ARHGEF10L: variants seen among roughly 807,000 people sequenced by gnomAD.
ARHGEF10L encodes the protein Rho guanine nucleotide exchange factor 10 like.
Under a neutral mutation model 141.2 loss-of-function variants are expected in ARHGEF10L, and 69 were observed. That is an observed-to-expected ratio of 0.49 (90% CI 0.40 to 0.60). ARHGEF10L has a LOEUF of 0.60. Among genes scored for constraint, ARHGEF10L ranks in the 20% least tolerant of loss-of-function variants. The probability of loss-of-function intolerance (pLI) is 0.00; values close to 1 mark genes in which losing one functional copy is unlikely to be tolerated. For synonymous variants in ARHGEF10L, 711 were observed against 718.5 expected (o/e 0.99, Z 0.17); for missense variants, 1,482 against 1,734.3 (o/e 0.85, Z 2.58).
the ARHGEF10L span, among the ~76,000 whole-genome samples, chr1:17,528,909 G>T: frequency 2.0e-5 from 3 of 152,210 alleles, no homozygotes; most frequent in South Asian, 2.1e-4. Context: ...GCTGGCTCAG[G>T]TCTTGTCGTG....
At chr1:17,592,735 T>A (rs537072459) in intron 4 of ARHGEF10L, among the ~76,000 whole-genome samples, 114 of 152,254 alleles carry the variant, frequency 7.5e-4, no homozygotes, top group African/African-American at 2.7e-3. Context: ...AGACCTAGTC[T>A]GGAGTTGTTT....
At position 17,602,227 on chromosome 1, in the gene ARHGEF10L, C is replaced by A; in HGVS notation, c.349+9C>A. The A allele has an allele frequency of 6.4e-7, 1 of 1,558,488 alleles. No individual in the cohort carries two copies. Among genetic ancestry groups the A allele is most frequent in the South Asian group, 1.2e-5 (1 of 84,624 alleles). On this transcript the variant is annotated intron_variant, in intron 5 of 28. Transcript: ENST00000361221. ...GAAGAGTTCCCGTCGCAGTAAGTCTCCCCTCCGGCCCACCGCCCACCCCAG... is the reference window on the plus strand; with the variant it reads ...GAAGAGTTCCCGTCGCAGTAAGTCTACCCTCCGGCCCACCGCCCACCCCAG...
intron 4 of ARHGEF10L, among the ~76,000 whole-genome samples, chr1:17,593,873 C>T (rs1396599163): frequency 6.6e-6 from 1 of 151,616 alleles, no homozygotes; most frequent in African/African-American, 2.4e-5. Context: ...GAGAGCGTCA[C>T]TTGTCTGTGG....
At chr1:17,529,849 T>C in the ARHGEF10L span, among the ~76,000 whole-genome samples, 1 of 113,480 alleles carries the variant, frequency 8.8e-6, no homozygotes, top group Non-Finnish European at 1.8e-5. Flanking sequence ...TTTTTTTTTT[T>C]GAGACGCAAT....
chr1:17,677,301 C>T (rs1031797739), intron 26 of ARHGEF10L, among the ~76,000 whole-genome samples: 1 of 152,250 alleles, frequency 6.6e-6, no homozygotes, highest in Non-Finnish European at 1.5e-5. Context: ...CACCTGCACC[C>T]TCGTGCACGC....
Position 17,579,193 on chromosome 1 carries a change from G to A in ARHGEF10L, c.-43-1360G>A, listed in dbSNP as rs112702772. On this transcript the variant is annotated intron_variant, in intron 1 of 28. Coordinates refer to ENST00000361221, the MANE Select transcript of ARHGEF10L (RefSeq NM_018125.4). ...GTGCCACCATGCCCAGCTAATTTTTGTATTTTTAGTAGAGATGGAGTTTCA... is the reference window on the plus strand; with the variant it reads ...GTGCCACCATGCCCAGCTAATTTTTATATTTTTAGTAGAGATGGAGTTTCA... 1.3e-3 allele frequency among the ~76,000 whole-genome samples: 191 copies of A among 152,218 alleles called. 2 individuals are homozygous for A. The highest frequency in any genetic ancestry group is 4.4e-3 in the African/African-American group (183 of 41,532).
intron 1 of ARHGEF10L, among the ~76,000 whole-genome samples, chr1:17,559,368 G>A (rs2077462283): frequency 6.6e-6 from 1 of 152,174 alleles, no homozygotes; most frequent in Non-Finnish European, 1.5e-5. Context: ...AAGGGGCTGG[G>A]TATTTATTAG....
the ARHGEF10L span, among the ~76,000 whole-genome samples, chr1:17,531,865 C>G: frequency 1.1e-4 from 16 of 152,290 alleles, no homozygotes; most frequent in Admixed American, 9.2e-4. Context: ...TCTGGGAGAC[C>G]AGGGAGCTTA....
At chr1:17,650,331 T>C (rs2061843742) in intron 22 of ARHGEF10L, among the ~76,000 whole-genome samples, 1 of 152,136 alleles carries the variant, frequency 6.6e-6, no homozygotes, top group Non-Finnish European at 1.5e-5. Context: ...GGAGGATCGC[T>C]TGAGCCCAGG....
chr1:17,642,134 G>A, intron 21 of ARHGEF10L, among the ~76,000 whole-genome samples: 1 of 152,298 alleles, frequency 6.6e-6, no homozygotes, highest in East Asian at 1.9e-4. Context: ...AAGGAACTTA[G>A]ATTTATGAGG....
At chr1:17,665,746 G>A (rs2062938131) in intron 26 of ARHGEF10L, among the ~76,000 whole-genome samples, 1 of 152,194 alleles carries the variant, frequency 6.6e-6, no homozygotes, top group African/African-American at 2.4e-5. Flanking sequence ...ACGTATGTGA[G>A]TGTGTGTTTG....
rs80051914 is a variant in ARHGEF10L at position 17,618,396 on chromosome 1, A to C, written c.836-943A>C. ...GTGGGGGAAGAGGAAGCTGCGAGGC[A>C]GGCTGGGGTGGGTGCGGAGTGATGC... is the stretch of plus-strand genomic sequence containing the variant. On this transcript the variant is annotated intron_variant, in intron 9 of 28. Transcript: ENST00000361221. The C allele has an allele frequency of 7.8e-3, 12,062 of 1,543,290 alleles. 698 individuals carry two copies. In the African/African-American group the frequency reaches 0.13, roughly 17 times the overall value.
rs563075976 is a variant in ARHGEF10L at position 17,612,944 on chromosome 1, C to T, written c.610-114C>T. ...CCGCATCCCGCCTGCCCGAGCTGTCCGTCCGCACTTTACCTGAGTCTCCTT... is the reference window on the plus strand; with the variant it reads ...CCGCATCCCGCCTGCCCGAGCTGTCTGTCCGCACTTTACCTGAGTCTCCTT... On this transcript the variant is annotated intron_variant, in intron 7 of 28. Coordinates refer to ENST00000361221, the MANE Select transcript of ARHGEF10L (RefSeq NM_018125.4). 15 of 716,670 alleles carry T rather than the reference C, an allele frequency of 2.1e-5. No homozygotes were observed. In the East Asian group the frequency reaches 2.1e-4, roughly 10 times the overall value. 44.4% of individuals were successfully genotyped at this position (716,670 alleles called of 1,614,324 possible).
intron 1 of ARHGEF10L, among the ~76,000 whole-genome samples, chr1:17,549,889 G>A (rs1249135620): frequency 6.6e-6 from 1 of 152,206 alleles, no homozygotes. Flanking sequence ...GGTGATGGAT[G>A]GGTACAAAGA....
intron 22 of ARHGEF10L, among the ~76,000 whole-genome samples, chr1:17,653,096 C>T (rs2062025076): frequency 1.3e-5 from 2 of 152,196 alleles, no homozygotes; most frequent in African/African-American, 4.8e-5. Flanking sequence ...TACTGGGTAC[C>T]TGGCCCTGGG....
chr1:17,602,298 G>A, intron 5 of ARHGEF10L, 80 bp downstream of exon 5: 1 of 1,474,164 alleles, frequency 6.8e-7, no homozygotes, highest in Middle Eastern at 1.7e-4. Context: ...CAAGAGAGCT[G>A]ATGTGGGCTC....
rs1558003568 is a variant in ARHGEF10L at position 17,674,850 on chromosome 1, G to A, written c.3009+10255G>A. ...GTTCAGTACCGTCTCATGCTGTACGGGTATGAGGCCTAGGAGCAACAGGCT... is the reference window on the plus strand; with the variant it reads ...GTTCAGTACCGTCTCATGCTGTACGAGTATGAGGCCTAGGAGCAACAGGCT... On this transcript the variant is annotated intron_variant, in intron 26 of 28. Transcript: ENST00000361221. Among the ~76,000 whole-genome samples the A allele has an allele frequency of 3.9e-5, 6 of 152,136 alleles. No individual in the cohort carries two copies. The South Asian group carries it at 1.0e-3, about 26-fold the overall frequency.
intron 25 of ARHGEF10L, 65 bp from the exon 26 acceptor site, chr1:17,664,382 C>T: frequency 3.2e-6 from 5 of 1,546,934 alleles, no homozygotes; most frequent in Non-Finnish European, 4.3e-6. Flanking sequence ...TGCTGCTGGC[C>T]TGCGTTCCCA....
At chr1:17,587,728 C>A (rs1193015533) in intron 3 of ARHGEF10L, 83 bp downstream of exon 3, 5 of 1,421,984 alleles carry the variant, frequency 3.5e-6, no homozygotes, top group Non-Finnish European at 4.7e-6. Flanking sequence ...CTCAGGGATG[C>A]CTGGTGGCCC....
Sources: allele counts gnomAD v4.1 joint callset (sites outside exome capture counted in the v4.1 genomes callset), GRCh38; gene constraint gnomAD v4.1.1; transcripts MANE v1.5; gene names NCBI Gene and HGNC (gene_info 2026-07-23, HGNC 2026-07-21).